PCK2: variants seen among roughly 807,000 people sequenced by gnomAD.
The protein encoded by PCK2 is phosphoenolpyruvate carboxykinase 2, mitochondrial.
A neutral mutation model predicts 65.9 loss-of-function variants in PCK2; 56 were observed. The ratio of observed to expected loss-of-function variants is 0.85; its 90% CI spans 0.69 to 1.06. The LOEUF is 1.06. PCK2 is among the 50% of genes least tolerant of loss of function. The pLI is 0.00. For missense variants in PCK2, 843 were observed against 863.1 expected (o/e 0.98, Z 0.29); for synonymous variants, 305 against 319.6 (o/e 0.95, Z 0.49).
chr14:24,102,885 C>T lies in PCK2; in HGVS notation c.1367C>T (p.Pro456Leu). 2 of 1,613,258 alleles carry T rather than the reference C, an allele frequency of 1.2e-6. No individual in the cohort carries two copies. The highest frequency in any genetic ancestry group is 1.1e-5 in the South Asian group (1 of 90,964). Residue 456 changes from proline (P) to leucine (L), a missense_variant, in exon 8 of 10, where the codon CCC (proline) becomes CTC (leucine). Transcript: ENST00000216780. ...IDAIIFGGRR[P>L]KGVPLVYEAF... is the part of the protein sequence containing the mutation. ...GCCATCATCTTTGGTGGCCGCAGAC[C>T]CAAAGGTAAACAACATATGAGCTCC...
At chr14:24,097,170 G>A (rs2036924510) in intron 2 of PCK2, 33 bp downstream of exon 2, 7 of 1,603,624 alleles carry the variant, frequency 4.4e-6, no homozygotes, top group Non-Finnish European at 5.1e-6. Context: ...TGCAGGATAG[G>A]TGCACTGAGG....
chr14:24,099,180 C>A lies in PCK2; in HGVS notation c.796C>A (p.Leu266Ile). The A allele has an allele frequency of 6.2e-7, 1 of 1,608,004 alleles. No individual in the cohort carries two copies. ...NSLLGKKCFA[L>I]RIASRLARDE... Reference sequence around the variant, plus strand: ...CCTGCTGGGCAAGAAGTGCTTTGCCCTACGCATCGCCTCTCGGCTGGCCCG... The same window carrying A: ...CCTGCTGGGCAAGAAGTGCTTTGCCATACGCATCGCCTCTCGGCTGGCCCG... Residue 266 changes from leucine to isoleucine, a missense_variant, in exon 5 of 10, where the codon CTA becomes ATA. Transcript: ENST00000216780.
intron 1 of PCK2, chr14:24,095,146 T>C (rs1267629821): frequency 2.4e-5 from 11 of 456,004 alleles, no homozygotes; most frequent in South Asian, 1.4e-4. Flanking sequence ...TTCTCAGCTT[T>C]TGTCCCAGAG....
At chr14:24,102,600 G>A (rs1594309187) in intron 7 of PCK2, 153 bp from the exon 8 acceptor site, 1 of 639,166 alleles carries the variant, frequency 1.6e-6, no homozygotes, top group Non-Finnish European at 2.7e-6. Context: ...AGATGCCCTG[G>A]CTCCCCTCTC....
In PCK2 at chr14:24,103,547, CT is replaced by C; in HGVS notation, c.1512del (p.Phe504LeufsTer13). 1.3e-6 allele frequency: 2 copies of C among 1,567,476 alleles called. No individual in the cohort carries two copies. The highest frequency in any genetic ancestry group is 1.7e-6 in the Non-Finnish European group (2 of 1,155,548). Reference protein sequence around the residue: ...IMHDPFAMRPFFGYNFGHYLE... With the variant: ...IMHDPFAMRPXFGYNFGHYLE... The stretch of plus-strand genomic sequence containing the variant: ...TGCACGACCCATTTGCCATGCGGCC[CT>C]TTTTTGGCTACAACTTCGGGCACTA... On this transcript the variant is annotated frameshift_variant, in exon 10 of 10. Transcript: ENST00000216780. LOFTEE classifies it high-confidence loss of function.
chr14:24,100,120 A>C lies in PCK2; in HGVS notation c.1141A>C (p.Thr381Pro). The C allele has an allele frequency of 6.2e-7, 1 of 1,613,332 alleles. No homozygotes were observed. Among genetic ancestry groups the C allele is most frequent in the Non-Finnish European group, 8.5e-7 (1 of 1,179,526 alleles). Residue 381 changes from threonine (T) to proline (P), a missense_variant, in exon 7 of 10, where the codon ACC becomes CCC. Physicochemically the swap from Thr to Pro is conservative, Grantham distance 38. Transcript: ENST00000216780. ...CACTATTTTTACCAATGTGGCTGAG[A>C]CCAGTGATGGTGGCGTGTACTGGGA... ...SNTIFTNVAE[T>P]SDGGVYWEGI...
At chr14:24,100,833 G>A (rs1462787282) in intron 7 of PCK2, among the ~76,000 whole-genome samples, 1 of 152,166 alleles carries the variant, frequency 6.6e-6, no homozygotes, top group Admixed American at 6.5e-5. Flanking sequence ...AATCAGGTCA[G>A]TGCTTGAGTC....
In PCK2 at chr14:24,104,082, T is replaced by C. The variant is rs2037283365; in HGVS notation, c.*118T>C. ...AACATCTTCAATGTGCCATAGACCTTCCCACAAAGACTGTCCAATAATAAG... is the reference window on the plus strand; with the variant it reads ...AACATCTTCAATGTGCCATAGACCTCCCCACAAAGACTGTCCAATAATAAG... On this transcript the variant is annotated 3_prime_UTR_variant, in exon 10 of 10. Coordinates refer to ENST00000216780, the MANE Select transcript of PCK2 (RefSeq NM_004563.4). The C allele has an allele frequency of 2.9e-6, 2 of 681,832 alleles. No individual in the cohort carries two copies. The highest frequency in any genetic ancestry group is 5.4e-5 in the East Asian group (2 of 37,236). The allele number at this position is 681,832 out of a possible 1,614,324, so 42.2% of individuals were successfully genotyped here. A position where few individuals can be genotyped will look rare whatever the true frequency, so the allele number is the denominator to read the frequency against.
chr14:24,103,010 T>A, intron 8 of PCK2, 120 bp downstream of exon 8: 1 of 1,279,516 alleles, frequency 7.8e-7, no homozygotes, highest in Non-Finnish European at 1.1e-6. Flanking sequence ...AGTTCTCCCC[T>A]GGTGAATGCA....
chr14:24,099,984 TCTC>T lies in PCK2; in HGVS notation c.1016-8_1016-6del, dbSNP rs776108800. On this transcript the variant is annotated splice_polypyrimidine_tract_variant and splice_region_variant and intron_variant, in intron 6 of 9. Coordinates refer to ENST00000216780, the MANE Select transcript of PCK2 (RefSeq NM_004563.4). ...TGTTTGGTCCTTCCTTTCTTTCACTTCTCCTAACAGGTCGACTCCGGGCCATCA... is the reference window on the plus strand; with the variant it reads ...TGTTTGGTCCTTCCTTTCTTTCACTTCTAACAGGTCGACTCCGGGCCATCA... 57 of 1,613,982 alleles carry T rather than the reference TCTC, an allele frequency of 3.5e-5. No individual in the cohort carries two copies. Among genetic ancestry groups the T allele is most frequent in the Non-Finnish European group, 4.3e-5 (51 of 1,179,994 alleles).
rs757916873 is a variant in PCK2, at chr14:24,103,657, A to G, written c.1616A>G (p.Glu539Gly). The G allele has an allele frequency of 4.0e-5, 64 of 1,614,190 alleles. No individual in the cohort carries two copies. Among genetic ancestry groups the G allele is most frequent in the Non-Finnish European group, 5.4e-5 (64 of 1,180,016 alleles). Residue 539 changes from glutamate to glycine, a missense_variant, in exon 10 of 10, where the codon GAG becomes GGG. By Grantham distance (98) the Glu-to-Gly change is moderately conservative. Transcript: ENST00000216780. ...IFHVNWFRRD[E>G]AGHFLWPGFG... ...CATGTCAACTGGTTCCGGCGTGACG[A>G]GGCAGGGCACTTCCTGTGGCCAGGC... is the stretch of plus-strand genomic sequence containing the variant.
At position 24,100,118 on chromosome 14, in the gene PCK2, A is replaced by G; in HGVS notation, c.1139A>G (p.Glu380Gly). The change falls in exon 7 of 10, where the codon GAG becomes GGG. Residue 380 changes from glutamate to glycine, a missense_variant. Physicochemically the swap from Glu to Gly is moderately conservative, Grantham distance 98. Coordinates refer to ENST00000216780, the MANE Select transcript of PCK2 (RefSeq NM_004563.4). ...AACACTATTTTTACCAATGTGGCTG[A>G]GACCAGTGATGGTGGCGTGTACTGG... ...QSNTIFTNVA[E>G]TSDGGVYWEG... 1 of 1,613,356 alleles carries G rather than the reference A, an allele frequency of 6.2e-7. No individual in the cohort carries two copies. The highest frequency in any genetic ancestry group is 8.5e-7 in the Non-Finnish European group (1 of 1,179,560).
chr14:24,099,445 T>A (rs1429218803), intron 5 of PCK2, 113 bp from the exon 6 acceptor site: 1 of 1,100,454 alleles, frequency 9.1e-7, no homozygotes, highest in East Asian at 2.4e-5. Context: ...CAATCACTTA[T>A]ATAGTTAATA....
In PCK2 at chr14:24,096,946, G is replaced by A. The variant is rs1183140368; in HGVS notation, c.84G>A (p.Gln28=). 6.2e-7 allele frequency: 1 copy of A among 1,613,708 alleles called. No homozygotes were observed. Among genetic ancestry groups the A allele is most frequent in the Admixed American group, 1.7e-5 (1 of 60,002 alleles). Residue 28 remains glutamine (Q), a synonymous_variant, in exon 2 of 10, where the codon CAG becomes CAA. Transcript: ENST00000216780. ...GCTGGCCATCATGCCGTAGCATCCAGACCCTGCGAGTGCTTAGTGGAGATC... is the reference window on the plus strand; with the variant it reads ...GCTGGCCATCATGCCGTAGCATCCAAACCCTGCGAGTGCTTAGTGGAGATC... ...PLGWPSCRSI[Q]TLRVLSGDLG... is the part of the protein sequence containing the mutation.
intron 8 of PCK2, 55 bp from the exon 9 acceptor site, chr14:24,103,105 G>T: frequency 7.1e-7 from 1 of 1,410,902 alleles, no homozygotes; most frequent in Non-Finnish European, 1.0e-6. Flanking sequence ...CAGAAGGGCT[G>T]GAGTTAGGGT....
rs2037102804 is a variant in PCK2, at chr14:24,100,183, A to G, written c.1204A>G (p.Thr402Ala). ...DQPLPPGVTV[T>A]SWLGKPWKPG... ...GCCTCTTCCACCTGGTGTTACTGTG[A>G]CCTCCTGGCTGGGCAAACCCTGGAA... The change falls in exon 7 of 10, where the codon ACC becomes GCC. Residue 402 changes from threonine (T) to alanine (A), a missense_variant. Thr to Ala is a moderately conservative substitution (Grantham distance 58, BLOSUM62 0). Coordinates refer to ENST00000216780, the MANE Select transcript of PCK2 (RefSeq NM_004563.4). The G allele has an allele frequency of 1.2e-6, 2 of 1,613,800 alleles. No individual in the cohort carries two copies. Among genetic ancestry groups the G allele is most frequent in the Non-Finnish European group, 1.7e-6 (2 of 1,179,986 alleles).
intron 1 of PCK2, chr14:24,095,247 G>A (rs1370245542): frequency 4.4e-6 from 2 of 455,670 alleles, no homozygotes; most frequent in Non-Finnish European, 8.8e-6. Context: ...TTAGAGGGCT[G>A]CAAGAGGGTG....
chr14:24,094,570 GTGGGTCCAGCCTCC>G lies in PCK2; in HGVS notation c.29+137_29+150del. On this transcript the variant is annotated intron_variant, in intron 1 of 9. Coordinates refer to ENST00000216780, the MANE Select transcript of PCK2 (RefSeq NM_004563.4). This position sits in a 1 kb window ranked among gnomAD's most constrained non-coding sequence, Gnocchi z 4.1. ...GCGGAGGCGGGCAGGGGCGACTGCT[GTGGGTCCAGCCTCC>G]CGCGCCGCGCGTCTCTTGGGAGGGC... 5.5e-6 allele frequency: 8 copies of G among 1,445,518 alleles called. No homozygotes were observed. The highest frequency in any genetic ancestry group is 7.3e-6 in the Non-Finnish European group (8 of 1,103,320). 89.5% of individuals were successfully genotyped at this position (1,445,518 alleles called of 1,614,324 possible). A position where few individuals can be genotyped will look rare whatever the true frequency, so the allele number is the denominator to read the frequency against.
chr14:24,101,017 T>G (rs1050242322), intron 7 of PCK2, among the ~76,000 whole-genome samples: 1 of 152,202 alleles, frequency 6.6e-6, no homozygotes, highest in Admixed American at 6.5e-5. Flanking sequence ...GAGGCTGGCC[T>G]TGTAGTCACT....
Sources: allele counts gnomAD v4.1 joint callset (sites outside exome capture counted in the v4.1 genomes callset), GRCh38; gene constraint gnomAD v4.1.1; non-coding constraint Gnocchi (gnomAD v3.1); transcripts MANE v1.5; gene names NCBI Gene and HGNC (gene_info 2026-07-23, HGNC 2026-07-21).